LARP1: variants seen among roughly 807,000 people sequenced by gnomAD.
LARP1 encodes La ribonucleoprotein 1, translational regulator.
Under a neutral mutation model 122.7 loss-of-function variants are expected in LARP1, and 36 were observed. That is an observed-to-expected ratio of 0.29 (90% CI 0.22 to 0.39). The LOEUF is 0.39. LARP1 is among the 10% of genes least tolerant of loss of function. The probability of loss-of-function intolerance (pLI) is 1.00; values close to 1 mark genes in which losing one functional copy is unlikely to be tolerated. For missense variants in LARP1, 1,040 were observed against 1,403.6 expected, an observed-to-expected ratio of 0.74 and a Z score of 4.14; for synonymous variants, 539 against 528.7, an observed-to-expected ratio of 1.02 and a Z score of -0.27.
At chr5:154,714,063 T>C (rs530765683) in intron 1 of LARP1, among the ~76,000 whole-genome samples, 1 of 152,354 alleles carries the variant, frequency 6.6e-6, no homozygotes, top group Admixed American at 6.5e-5. Flanking sequence ...TTTACCTCTT[T>C]GAACTCAGTT....
At chr5:154,772,086 A>G (rs894403681) in intron 1 of LARP1, among the ~76,000 whole-genome samples, 1 of 152,272 alleles carries the variant, frequency 6.6e-6, no homozygotes, top group Admixed American at 6.5e-5. Context: ...TACAACGCAC[A>G]TGAACATAAA....
intron 8 of LARP1, among the ~76,000 whole-genome samples, chr5:154,796,084 A>ATATATTTATATATAGTATATATAT (rs1757796302): frequency 3.0e-5 from 3 of 100,568 alleles, no homozygotes; most frequent in African/African-American, 1.4e-4. Flanking sequence ...TATATATATT[A>ATATATTTATATATAGTATATATAT]TATATATATT....
chr5:154,719,272 C>T (rs1166785645), intron 1 of LARP1, among the ~76,000 whole-genome samples: 1 of 152,122 alleles, frequency 6.6e-6, no homozygotes, highest in Non-Finnish European at 1.5e-5. Context: ...GCAGAGGGGC[C>T]TCTGGGGATC....
At position 154,774,959 on chromosome 5, in the gene LARP1, GA is replaced by G. The variant is rs572782338; in HGVS notation, c.437-15359del. Among the ~76,000 whole-genome samples the G allele has an allele frequency of 1.1e-3, 170 of 152,052 alleles. 3 individuals are homozygous for G. Among genetic ancestry groups the G allele is most frequent in the South Asian group, 8.9e-3 (43 of 4,820 alleles). ...ACAGTTGAAACTCAGTAATTTCAGGGAAAAAAAGAAAAACAGGAGGCCCTTT... is the reference window on the plus strand; with the variant it reads ...ACAGTTGAAACTCAGTAATTTCAGGGAAAAAAGAAAAACAGGAGGCCCTTT... On this transcript the variant is annotated intron_variant, in intron 1 of 18. Coordinates refer to ENST00000518297, the MANE Select transcript of LARP1 (RefSeq NM_033551.3).
intron 1 of LARP1, among the ~76,000 whole-genome samples, chr5:154,736,223 G>C (rs1756887848): frequency 3.3e-5 from 5 of 151,752 alleles, no homozygotes; most frequent in African/African-American, 1.2e-4. Flanking sequence ...AGCCTCCCGA[G>C]TAGCTGGGAT....
chr5:154,811,165 C>T, intron 16 of LARP1, 82 bp from the exon 17 acceptor site: 1 of 1,005,028 alleles, frequency 9.9e-7, no homozygotes, highest in Non-Finnish European at 1.6e-6. Context: ...TAAACTGTTT[C>T]ATAGTTCCTC....
chr5:154,740,530 C>T (rs992323845), intron 1 of LARP1, among the ~76,000 whole-genome samples: 5 of 152,186 alleles, frequency 3.3e-5, no homozygotes, highest in African/African-American at 9.6e-5. Context: ...TGAGGATTCT[C>T]CCTGTTTTAC....
chr5:154,764,897 T>G (rs1050454759), intron 1 of LARP1, among the ~76,000 whole-genome samples: 2 of 136,274 alleles, frequency 1.5e-5, no homozygotes, highest in African/African-American at 5.7e-5. Flanking sequence ...AGAGCAAGAC[T>G]CCATCACAAA....
At chr5:154,708,563 T>C (rs527733136), upstream of LARP1, among the ~76,000 whole-genome samples, 8 of 152,232 alleles carry the variant, frequency 5.3e-5, no homozygotes, top group African/African-American at 1.2e-4. Context: ...GTTAAGGGCA[T>C]GTACTATAAT....
Position 154,811,337 on chromosome 5 carries a change from G to T in LARP1, c.2934G>T (p.Thr978=), listed in dbSNP as rs1019852393. 6.2e-7 allele frequency: 1 copy of T among 1,614,156 alleles called. No individual in the cohort carries two copies. Among genetic ancestry groups the T allele is most frequent in the Admixed American group, 1.7e-5 (1 of 60,016 alleles). The change falls in exon 17 of 19, where the codon ACG becomes ACT. Residue 978 remains threonine (T), a synonymous_variant. Transcript: ENST00000518297. The part of the protein sequence containing the change: ...LDIFKDFQEE[T]VKDYEAGQLY... ...TATTCAAGGATTTTCAGGAGGAAACGGTGAAGGACTATGAAGCTGGTAAGA... is the reference window on the plus strand; with the variant it reads ...TATTCAAGGATTTTCAGGAGGAAACTGTGAAGGACTATGAAGCTGGTAAGA...
At chr5:154,730,866 T>TC (rs1756519033) in intron 1 of LARP1, among the ~76,000 whole-genome samples, 1 of 148,596 alleles carries the variant, frequency 6.7e-6, no homozygotes, top group Admixed American at 6.7e-5. Flanking sequence ...ATTCTGACTT[T>TC]TTTTTTTTTT....
intron 1 of LARP1, among the ~76,000 whole-genome samples, chr5:154,778,321 T>C (rs1337099817): frequency 6.6e-6 from 1 of 152,006 alleles, no homozygotes; most frequent in East Asian, 1.9e-4. Context: ...ATTGTGGTTT[T>C]GGGTACCCCT....
intron 1 of LARP1, among the ~76,000 whole-genome samples, chr5:154,771,196 G>T (rs565116066): frequency 2.0e-5 from 3 of 151,896 alleles, no homozygotes; most frequent in Non-Finnish European, 4.4e-5. Context: ...TCATGTCCTT[G>T]GGCTTGGCCA....
At chr5:154,811,779 T>A in intron 18 of LARP1, 139 bp downstream of exon 18, 1 of 1,017,434 alleles carries the variant, frequency 9.8e-7, no homozygotes, top group Non-Finnish European at 1.4e-6. Context: ...GGCTTTGCTT[T>A]TTCACCTTTA....
intron 1 of LARP1, among the ~76,000 whole-genome samples, chr5:154,706,114 G>T (rs377180150): frequency 6.6e-6 from 1 of 151,938 alleles, no homozygotes; most frequent in African/African-American, 2.4e-5. Context: ...TGGCCAACAC[G>T]GCGAAACCCC....
intron 10 of LARP1, 128 bp downstream of exon 10, chr5:154,800,170 A>C: frequency 1.2e-6 from 1 of 844,656 alleles, no homozygotes; most frequent in South Asian, 1.9e-5. Flanking sequence ...TCAGGATCAT[A>C]GTGTGAGTTG....
chr5:154,713,301 A>G (rs929313686), intron 1 of LARP1, among the ~76,000 whole-genome samples: 1 of 152,206 alleles, frequency 6.6e-6, no homozygotes, highest in African/African-American at 2.4e-5. Flanking sequence ...GAAAATGAGG[A>G]GCTCAAATTC....
At chr5:154,684,069 C>A (rs762997458) in intron 1 of LARP1, among the ~76,000 whole-genome samples, 1 of 152,192 alleles carries the variant, frequency 6.6e-6, no homozygotes, top group Non-Finnish European at 1.5e-5. Flanking sequence ...ATAAGGGCTA[C>A]AAAGGCAATA....
At chr5:154,764,327 T>C (rs953557024) in intron 1 of LARP1, among the ~76,000 whole-genome samples, 4 of 140,366 alleles carry the variant, frequency 2.8e-5, no homozygotes, top group African/African-American at 1.1e-4. Context: ...AAAAAAAAGC[T>C]GCATCCAGGT....
Sources: allele counts gnomAD v4.1 joint callset (sites outside exome capture counted in the v4.1 genomes callset), GRCh38; gene constraint gnomAD v4.1.1; transcripts MANE v1.5; gene names NCBI Gene and HGNC (gene_info 2026-07-23, HGNC 2026-07-21).